The following DOCK9 variants were observed in gnomAD, a reference collection of about 807,000 sequenced individuals.
DOCK9 encodes dedicator of cytokinesis protein 9.
A neutral mutation model predicts 263.3 loss-of-function variants in DOCK9; 89 were observed. That is an observed-to-expected ratio of 0.34 (90% confidence interval 0.28 to 0.40). The LOEUF (loss-of-function observed/expected upper bound fraction) is 0.40, where lower values mean the gene tolerates loss of function less well. DOCK9 is among the 10% of genes least tolerant of loss of function. The pLI is 1.00. For synonymous variants in DOCK9, 976 were observed against 973.1 expected (o/e 1.00, Z -0.06); for missense variants, 2,140 against 2,603.4 (o/e 0.82, Z 3.87).
intron 11 of DOCK9, 41 bp downstream of exon 11, chr13:98,902,931 C>T: frequency 7.3e-7 from 1 of 1,376,752 alleles, no homozygotes; most frequent in South Asian, 1.5e-5. Flanking sequence ...AAACCTCTGC[C>T]TATTTTTTTT....
chr13:99,040,278 G>C (rs1035188883), intron 1 of DOCK9, among the ~76,000 whole-genome samples: 1 of 152,154 alleles, frequency 6.6e-6, no homozygotes, highest in Admixed American at 6.5e-5. Context: ...CCAGAACTGT[G>C]AGAAATAAAT....
chr13:98,930,094 T>C, intron 3 of DOCK9, 74 bp downstream of exon 3: 1 of 1,344,720 alleles, frequency 7.4e-7, no homozygotes, highest in Non-Finnish European at 1.0e-6. Context: ...TTGACAATTT[T>C]GAAATTTAAA....
intron 1 of DOCK9, among the ~76,000 whole-genome samples, chr13:99,071,505 C>T (rs1292957985): frequency 2.0e-5 from 3 of 151,562 alleles, no homozygotes; most frequent in South Asian, 2.1e-4. Flanking sequence ...AGAAAATATA[C>T]TTACTACTTG....
In DOCK9 at chr13:98,825,919, G is replaced by A; in HGVS notation, c.5023+911C>T. On this transcript the variant is annotated intron_variant, in intron 44 of 52. Transcript: ENST00000682017. The surrounding 1 kb of genome is among the most constrained non-coding windows in gnomAD (Gnocchi z 4.1). ...GGCGCTATGGCTGTGGGGGAGAAGGGGCGGCTCCCACTGGACTGCTTCTAA... is the reference window on the plus strand; with the variant it reads ...GGCGCTATGGCTGTGGGGGAGAAGGAGCGGCTCCCACTGGACTGCTTCTAA... 6.4e-7 allele frequency: 1 copy of A among 1,553,182 alleles called. No individual in the cohort carries two copies. Among genetic ancestry groups the A allele is most frequent in the Non-Finnish European group, 8.7e-7 (1 of 1,148,450 alleles).
chr13:98,895,371 A>C (rs2047255752), intron 15 of DOCK9, among the ~76,000 whole-genome samples: 1 of 152,098 alleles, frequency 6.6e-6, no homozygotes, highest in East Asian at 1.9e-4. Flanking sequence ...CGTAAAAAAA[A>C]ATGTTCCCCC....
intron 27 of DOCK9, among the ~76,000 whole-genome samples, chr13:98,878,185 C>A (rs1258880891): frequency 6.6e-6 from 1 of 152,198 alleles, no homozygotes; most frequent in Non-Finnish European, 1.5e-5. Flanking sequence ...ATGTGCACAG[C>A]TTGACCCAGG....
intron 37 of DOCK9, among the ~76,000 whole-genome samples, chr13:98,848,351 C>G (rs959231227): frequency 1.3e-5 from 2 of 152,126 alleles, no homozygotes; most frequent in African/African-American, 4.8e-5. Flanking sequence ...AGGGTAGACA[C>G]AGCCCGCTAA....
chr13:98,867,660 A>C, intron 29 of DOCK9, 124 bp from the exon 30 acceptor site: 1 of 678,282 alleles, frequency 1.5e-6, no homozygotes, highest in South Asian at 2.0e-5. Flanking sequence ...AGAACTGCAC[A>C]CTCTATTGCA....
At position 98,955,368 on chromosome 13, in the gene DOCK9, C is replaced by T. The variant is rs1040335105; in HGVS notation, c.243+67G>A. The T allele has an allele frequency of 5.0e-5, 51 of 1,029,202 alleles. No individual in the cohort carries two copies. In the African/African-American group the frequency reaches 7.8e-4, roughly 16 times the overall value. 63.8% of individuals were successfully genotyped at this position (1,029,202 alleles called of 1,614,324 possible). ...TAACTAACCAAACAATAAATCAATACATAGAAAAATACTGCTTGTTAAGAT... is the reference window on the plus strand; with the variant it reads ...TAACTAACCAAACAATAAATCAATATATAGAAAAATACTGCTTGTTAAGAT... On this transcript the variant is annotated intron_variant, in intron 2 of 52. Transcript: ENST00000682017.
At chr13:98,912,091 T>C (rs1446149551) in intron 9 of DOCK9, among the ~76,000 whole-genome samples, 2 of 151,798 alleles carry the variant, frequency 1.3e-5, no homozygotes, top group Non-Finnish European at 2.9e-5. Context: ...AGGCTGGTCT[T>C]GAACTCCTAA....
intron 1 of DOCK9, among the ~76,000 whole-genome samples, chr13:98,989,340 GATGATGATA>G (rs1306096015): frequency 3.1e-5 from 4 of 127,756 alleles, no homozygotes; most frequent in Non-Finnish European, 5.0e-5. Flanking sequence ...TGATGATGAT[GATGATGATA>G]ATAATAATAA....
chr13:98,977,841 C>T lies in DOCK9; in HGVS notation c.69G>A (p.Leu23=). 1.2e-6 allele frequency: 2 copies of T among 1,608,728 alleles called. No homozygotes were observed. The highest frequency in any genetic ancestry group is 1.7e-6 in the Non-Finnish European group (2 of 1,177,336). Residue 23 remains leucine, a synonymous_variant, in exon 1 of 53, where the codon CTG becomes CTA. Coordinates refer to ENST00000682017, the MANE Select transcript of DOCK9 (RefSeq NM_001366683.2). ...VKKELVIESP[L]QYKDAAQGEV... is the part of the protein sequence containing the mutation. ...CGCCCTGAGCTGCATCCTTGTATTG[C>T]AGGGGGGACTCAATCACCAGTTCCT...
chr13:98,890,902 C>T (rs922382534), intron 15 of DOCK9, among the ~76,000 whole-genome samples: 1 of 152,174 alleles, frequency 6.6e-6, no homozygotes, highest in African/African-American at 2.4e-5. Flanking sequence ...CACTTGTCTT[C>T]TGTTTACATC....
At chr13:98,815,110 T>A (rs1475192725) in intron 45 of DOCK9, among the ~76,000 whole-genome samples, 1 of 152,180 alleles carries the variant, frequency 6.6e-6, no homozygotes, top group African/African-American at 2.4e-5. Context: ...CTTAGTAATA[T>A]TAACGATATT....
Position 98,793,935 on chromosome 13 carries a change from G to T in DOCK9, c.*691C>A, listed in dbSNP as rs531648464. Reference sequence around the variant, plus strand: ...AGAATGCCAGGACTGTATTAACAATGATATGTACATAACAATATACTGTAC... The same window carrying T: ...AGAATGCCAGGACTGTATTAACAATTATATGTACATAACAATATACTGTAC... On this transcript the variant is annotated 3_prime_UTR_variant, in exon 53 of 53. Transcript: ENST00000682017. 3.3e-5 allele frequency: 5 copies of T among 152,688 alleles called. No homozygotes were observed. In the East Asian group the frequency reaches 7.7e-4, roughly 24 times the overall value. 9.5% of individuals were successfully genotyped at this position (152,688 alleles called of 1,614,324 possible).
In DOCK9 at chr13:98,977,956, C is replaced by T. The variant is rs375521672; in HGVS notation, c.-47G>A. The T allele has an allele frequency of 4.2e-5, 65 of 1,538,486 alleles. No individual in the cohort carries two copies. The highest frequency in any genetic ancestry group is 2.2e-4 in the South Asian group (18 of 80,212). On this transcript the variant is annotated 5_prime_UTR_variant, in exon 1 of 53. Transcript: ENST00000682017. ...AGAAAGTCTGCAACTGGAACAGCTG[C>T]GAGTCCCTGGCCGTGCAAGGCACAG...
At chr13:98,882,630 A>C (rs1245203305) in intron 23 of DOCK9, among the ~76,000 whole-genome samples, 1 of 115,654 alleles carries the variant, frequency 8.6e-6, no homozygotes. Flanking sequence ...GGTTCTGTGC[A>C]TTATTTCTTT....
intron 39 of DOCK9, chr13:98,832,285 T>C: frequency 6.4e-6 from 1 of 155,158 alleles, no homozygotes; most frequent in Non-Finnish European, 1.4e-5. Context: ...AGGTGGAAAG[T>C]GTACAGGCTT....
chr13:99,052,715 G>T (rs577279215), intron 1 of DOCK9, among the ~76,000 whole-genome samples: 1 of 151,418 alleles, frequency 6.6e-6, no homozygotes, highest in South Asian at 2.1e-4. Flanking sequence ...GTCCTCCTAC[G>T]TCAGACTCCT....
Sources: gnomAD v4.1 joint callset for allele counts (sites outside exome capture counted in the v4.1 genomes callset) on GRCh38, gnomAD v4.1.1 for gene constraint, Gnocchi (gnomAD v3.1) non-coding constraint, MANE v1.5 for transcripts, NCBI Gene and HGNC (gene_info 2026-07-23, HGNC 2026-07-21) for gene names.